Variants in TNPO3 observed in about 807,000 individuals in gnomAD.
The protein encoded by TNPO3 is transportin 3.
A neutral mutation model predicts 122.8 loss-of-function variants in TNPO3; 65 were observed. That is an observed-to-expected ratio of 0.53 (90% CI 0.43 to 0.65). TNPO3 has a LOEUF of 0.65. Among genes scored for constraint, TNPO3 ranks in the 30% least tolerant of loss-of-function variants. The pLI, the probability that TNPO3 is intolerant of heterozygous loss-of-function variation, is 0.00. For synonymous variants in TNPO3, 372 were observed against 411.2 expected (o/e 0.90, Z 1.15); for missense variants, 850 against 1,136.7 (o/e 0.75, Z 3.63).
At chr7:128,971,942 G>C (rs760826354) in intron 19 of TNPO3, among the ~76,000 whole-genome samples, 2 of 152,128 alleles carry the variant, frequency 1.3e-5, no homozygotes, top group Non-Finnish European at 2.9e-5. Flanking sequence ...GATCACTTGA[G>C]GCCAGGAGTT....
At chr7:129,006,458 T>G (rs961002620) in intron 4 of TNPO3, among the ~76,000 whole-genome samples, 2 of 152,184 alleles carry the variant, frequency 1.3e-5, no homozygotes, top group Non-Finnish European at 2.9e-5. Flanking sequence ...ATAAAAGAGA[T>G]AAAACAGAAT....
chr7:129,040,380 A>C (rs1310619236), intron 1 of TNPO3, among the ~76,000 whole-genome samples: 3 of 152,156 alleles, frequency 2.0e-5, no homozygotes, highest in Non-Finnish European at 4.4e-5. Context: ...CACTAAAGCT[A>C]TTTTTTAAAA....
At chr7:129,006,841 G>A (rs1299782596) in intron 4 of TNPO3, among the ~76,000 whole-genome samples, 1 of 152,156 alleles carries the variant, frequency 6.6e-6, no homozygotes, top group Non-Finnish European at 1.5e-5. Flanking sequence ...GTTAATGAAT[G>A]ACTGTATACC....
At chr7:128,993,134 C>CA (rs112083583) in intron 9 of TNPO3, among the ~76,000 whole-genome samples, 69,093 of 144,652 alleles carry the variant, frequency 0.48, 16,028 homozygotes, top group Non-Finnish European at 0.49. Flanking sequence ...ACTGAGTTAC[C>CA]AAAAAAAAAA....
At chr7:128,970,604 A>G (rs1798371458) in intron 19 of TNPO3, 1 of 218,872 alleles carries the variant, frequency 4.6e-6, no homozygotes. Context: ...GAAGGCAGAA[A>G]ACATGGTTAA....
rs1212237135 is a variant in TNPO3, at chr7:129,020,973, C to A, written c.121-2816G>T. On this transcript the variant is annotated intron_variant, in intron 1 of 22. Transcript: ENST00000265388. ...GAAGCAGAGGCAAACAACAGGGTGT[C>A]TACTGGACCTAAGAACAGAGAAACA... Among the ~76,000 whole-genome samples, 5 of 152,066 alleles carry A rather than the reference C, an allele frequency of 3.3e-5. No homozygotes were observed. The East Asian group carries it at 9.6e-4, about 29-fold the overall frequency.
chr7:129,026,407 T>C (rs924275518), intron 1 of TNPO3, among the ~76,000 whole-genome samples: 1 of 148,430 alleles, frequency 6.7e-6, no homozygotes, highest in African/African-American at 2.5e-5. Context: ...TTTTTTTTTT[T>C]TTTTTTTTTT....
intron 8 of TNPO3, among the ~76,000 whole-genome samples, chr7:128,994,424 T>C (rs889022937): frequency 6.6e-6 from 1 of 151,872 alleles, no homozygotes; most frequent in Admixed American, 6.6e-5. Flanking sequence ...TCCCAAAGTG[T>C]TAGCCACCGT....
chr7:128,966,187 C>T (rs540830670), intron 21 of TNPO3, among the ~76,000 whole-genome samples: 2 of 152,154 alleles, frequency 1.3e-5, no homozygotes, highest in East Asian at 1.9e-4. Context: ...GTATATTTTT[C>T]CGTATTATCA....
intron 1 of TNPO3, chr7:129,028,822 GGA>G (rs1314671614): frequency 4.0e-6 from 1 of 250,786 alleles, no homozygotes; most frequent in Non-Finnish European, 7.8e-6. Context: ...GTGAGAAGCT[GGA>G]AATATTTCTT....
intron 18 of TNPO3, 124 bp from the exon 19 acceptor site, chr7:128,972,706 A>G (rs1380569627): frequency 2.4e-6 from 2 of 819,760 alleles, no homozygotes; most frequent in Admixed American, 2.8e-5. Context: ...TTCAGGGAAG[A>G]AGGGATGAAT....
intron 13 of TNPO3, among the ~76,000 whole-genome samples, chr7:128,983,268 G>A (rs897937426): frequency 5.9e-5 from 9 of 152,122 alleles, no homozygotes; most frequent in Middle Eastern, 3.4e-3. Flanking sequence ...GTACAATGGC[G>A]CGATTTCGGT....
chr7:128,974,117 T>C (rs57128325), intron 18 of TNPO3, among the ~76,000 whole-genome samples: 29 of 151,650 alleles, frequency 1.9e-4, no homozygotes, highest in African/African-American at 7.0e-4. Flanking sequence ...GAGGTTGCAG[T>C]GAGCCGAGAT....
rs1799480404 is a variant in TNPO3, at chr7:128,980,144, A to G, written c.1860-113T>C. 11 of 893,874 alleles carry G rather than the reference A, an allele frequency of 1.2e-5. No homozygotes were observed. In the Admixed American group the frequency reaches 1.9e-4, roughly 15 times the overall value. The allele number at this position is 893,874 out of a possible 1,614,324, so 55.4% of individuals were successfully genotyped here. Reference sequence around the variant, plus strand: ...TCATTTTCACCAAATAAAGAAAACCAGATGATAAAGTCATTTACTTACATC... The same window carrying G: ...TCATTTTCACCAAATAAAGAAAACCGGATGATAAAGTCATTTACTTACATC... On this transcript the variant is annotated intron_variant, in intron 14 of 22. Coordinates refer to ENST00000265388, the MANE Select transcript of TNPO3 (RefSeq NM_012470.4).
At chr7:129,017,814 T>C in intron 2 of TNPO3, 143 bp downstream of exon 2, 2 of 810,642 alleles carry the variant, frequency 2.5e-6, no homozygotes, top group Non-Finnish European at 3.8e-6. Flanking sequence ...AACAATTTCG[T>C]TTTCTATCCA....
At chr7:129,021,261 G>A (rs1471121880) in intron 1 of TNPO3, among the ~76,000 whole-genome samples, 3 of 151,616 alleles carry the variant, frequency 2.0e-5, no homozygotes, top group South Asian at 2.1e-4. Context: ...AGGCTGAGAC[G>A]GCAGAATCAC....
intron 9 of TNPO3, among the ~76,000 whole-genome samples, chr7:128,993,452 A>G (rs1265152719): frequency 6.6e-6 from 1 of 152,228 alleles, no homozygotes; most frequent in Admixed American, 6.5e-5. Context: ...GTACGTAATT[A>G]CTAAAGCAGA....
upstream of TNPO3, chr7:129,056,078 A>G (rs1584602205): frequency 8.6e-7 from 1 of 1,159,470 alleles, no homozygotes. Context: ...GGCGGAAGAA[A>G]TGTCTGGGGG....
chr7:128,966,236 C>T (rs1288037125), intron 21 of TNPO3, among the ~76,000 whole-genome samples: 6 of 152,116 alleles, frequency 3.9e-5, no homozygotes, highest in Non-Finnish European at 8.8e-5. Flanking sequence ...GGACTATTTA[C>T]TAGTATAAGC....
Sources: gnomAD v4.1 joint callset for allele counts (sites outside exome capture counted in the v4.1 genomes callset) on GRCh38, gnomAD v4.1.1 for gene constraint, MANE v1.5 for transcripts, NCBI Gene and HGNC (gene_info 2026-07-23, HGNC 2026-07-21) for gene names.